SMYD3: variants seen among roughly 807,000 people sequenced by gnomAD.
SMYD3 encodes the protein histone-lysine N-methyltransferase SMYD3.
Under a neutral mutation model 57.7 loss-of-function variants are expected in SMYD3, and 36 were observed. The observed-to-expected ratio is 0.62, with a 90% confidence interval of 0.48 to 0.82. The LOEUF is 0.82. Ranked by LOEUF, SMYD3 falls within the 40% of genes least tolerant of loss-of-function variation. SMYD3 has a pLI of 0.00. For synonymous variants in SMYD3, 211 were observed against 195.0 expected (o/e 1.08, Z -0.68); for missense variants, 515 against 538.8 (o/e 0.96, Z 0.44).
At chr1:246,093,631 C>G (rs2147898573) in intron 5 of SMYD3, among the ~76,000 whole-genome samples, 1 of 152,112 alleles carries the variant, frequency 6.6e-6, no homozygotes, top group South Asian at 2.1e-4. Context: ...ATGAAGAGAG[C>G]TTACTTAATG....
At chr1:246,437,495 T>A (rs1345373821) in intron 1 of SMYD3, among the ~76,000 whole-genome samples, 2 of 152,212 alleles carry the variant, frequency 1.3e-5, no homozygotes, top group Non-Finnish European at 2.9e-5. Flanking sequence ...GATTGCCCTA[T>A]AACCTCAGCA....
At chr1:246,481,621 T>TATACACAC (rs1307881494) in intron 1 of SMYD3, among the ~76,000 whole-genome samples, 5 of 98,542 alleles carry the variant, frequency 5.1e-5, no homozygotes, top group African/African-American at 1.5e-4. Flanking sequence ...CATACATATA[T>TATACACAC]ACATACATAC....
chr1:246,120,761 C>T (rs2061412790), intron 5 of SMYD3, among the ~76,000 whole-genome samples: 1 of 152,152 alleles, frequency 6.6e-6, no homozygotes, highest in East Asian at 1.9e-4. Flanking sequence ...ACCCAACCAT[C>T]CCTCCTGTGT....
intron 2 of SMYD3, among the ~76,000 whole-genome samples, chr1:246,339,514 A>AACTGATCAGATCAAAGAT (rs541520598): frequency 0.031 from 4,777 of 152,268 alleles, 95 homozygotes; most frequent in Non-Finnish European, 0.04. Context: ...TCTGAAAAGA[A>AACTGATCAGATCAAAGAT]CTGAGAAGCC....
At chr1:246,506,695 C>G (rs980629186) in intron 1 of SMYD3, among the ~76,000 whole-genome samples, 1 of 152,204 alleles carries the variant, frequency 6.6e-6, no homozygotes, top group Non-Finnish European at 1.5e-5. Context: ...ACAGCCGCAC[C>G]AAGGAAGACT....
chr1:245,964,769 A>G (rs2058097772), intron 5 of SMYD3, among the ~76,000 whole-genome samples: 1 of 151,978 alleles, frequency 6.6e-6, no homozygotes, highest in Admixed American at 6.6e-5. Flanking sequence ...AACTTCTGAA[A>G]TGAAAAAGCA....
chr1:246,201,315 G>A (rs2062920566), intron 5 of SMYD3, among the ~76,000 whole-genome samples: 1 of 152,160 alleles, frequency 6.6e-6, no homozygotes, highest in Admixed American at 6.6e-5. Context: ...TTAATAGGGG[G>A]TTAAAGCAGG....
chr1:246,073,225 A>G (rs10458427), intron 5 of SMYD3, among the ~76,000 whole-genome samples: 3,022 of 152,290 alleles, frequency 0.02, 140 homozygotes, highest in East Asian at 0.16. Context: ...TGATGCTTGC[A>G]AAGAGAACAT....
intron 5 of SMYD3, among the ~76,000 whole-genome samples, chr1:246,069,265 TA>T (rs1407016672): frequency 1.3e-5 from 2 of 152,210 alleles, no homozygotes; most frequent in Non-Finnish European, 2.9e-5. Context: ...TAATTTGTAA[TA>T]AAAGAAAACA....
At chr1:245,775,405 A>C (rs2046538908) in intron 10 of SMYD3, among the ~76,000 whole-genome samples, 1 of 152,002 alleles carries the variant, frequency 6.6e-6, no homozygotes, top group South Asian at 2.1e-4. Context: ...TTGATCTGTG[A>C]CCTTACCCCC....
At chr1:246,135,403 T>A (rs1336347722) in intron 5 of SMYD3, among the ~76,000 whole-genome samples, 1 of 152,140 alleles carries the variant, frequency 6.6e-6, no homozygotes, top group Non-Finnish European at 1.5e-5. Context: ...CTTAAGTATG[T>A]TCTAAAATGA....
At chr1:245,901,840 A>G (rs552011642) in intron 8 of SMYD3, among the ~76,000 whole-genome samples, 8 of 152,296 alleles carry the variant, frequency 5.3e-5, no homozygotes, top group African/African-American at 1.7e-4. Context: ...AAGGTAAGCA[A>G]GAAATCTCCA....
chr1:246,319,385 T>C (rs1478307216), intron 5 of SMYD3, among the ~76,000 whole-genome samples: 1 of 152,182 alleles, frequency 6.6e-6, no homozygotes. Context: ...GCCTGCTCGC[T>C]TTTAGTGTTA....
rs570218632 is a variant in SMYD3 at position 246,469,134 on chromosome 1, A to G, written c.164+37920T>C. ...GCCATGAAGAACTCAGAGTTGCCAT[A>G]TGTGGCCAGTCTCCTTGGCCACTCA... On this transcript the variant is annotated intron_variant, in intron 1 of 11. Coordinates refer to ENST00000490107, the MANE Select transcript of SMYD3 (RefSeq NM_001167740.2). 5.9e-5 allele frequency among the ~76,000 whole-genome samples: 9 copies of G among 152,312 alleles called. No individual in the cohort carries two copies. In the East Asian group the frequency reaches 1.5e-3, roughly 26 times the overall value.
At chr1:246,254,483 C>G (rs1433932879) in intron 5 of SMYD3, among the ~76,000 whole-genome samples, 1 of 152,114 alleles carries the variant, frequency 6.6e-6, no homozygotes, top group Non-Finnish European at 1.5e-5. Context: ...CCACTCTGTT[C>G]CACTGGTCTA....
At chr1:245,942,969 G>A (rs1490451503) in intron 5 of SMYD3, among the ~76,000 whole-genome samples, 2 of 151,936 alleles carry the variant, frequency 1.3e-5, no homozygotes, top group African/African-American at 4.8e-5. Context: ...AGAACCTCTG[G>A]GATAGAGCTA....
At chr1:245,957,606 G>A (rs1473092610) in intron 5 of SMYD3, among the ~76,000 whole-genome samples, 3 of 151,596 alleles carry the variant, frequency 2.0e-5, no homozygotes, top group African/African-American at 7.3e-5. Context: ...ATGCCCACTC[G>A]CTGCTCAGGA....
chr1:245,932,553 C>G (rs921148039), intron 5 of SMYD3, among the ~76,000 whole-genome samples: 5 of 152,090 alleles, frequency 3.3e-5, no homozygotes, highest in African/African-American at 1.2e-4. Context: ...ACAGAAGACA[C>G]TAATAAATCT....
At chr1:246,213,211 C>T (rs2063115561) in intron 5 of SMYD3, among the ~76,000 whole-genome samples, 1 of 152,136 alleles carries the variant, frequency 6.6e-6, no homozygotes, top group South Asian at 2.1e-4. Context: ...TTGTCAGTTA[C>T]CTGTGACTAT....
Sources: gnomAD v4.1 joint callset for allele counts (sites outside exome capture counted in the v4.1 genomes callset) on GRCh38, gnomAD v4.1.1 for gene constraint, MANE v1.5 for transcripts, NCBI Gene and HGNC (gene_info 2026-07-23, HGNC 2026-07-21) for gene names.